Variants in NEGR1 observed in about 807,000 individuals in gnomAD.
NEGR1 encodes IgLON family member 4.
NEGR1 carries 10 observed loss-of-function variants against 40.9 expected under a neutral mutation model. That is an observed-to-expected ratio of 0.24 (90% CI 0.15 to 0.42). The LOEUF (loss-of-function observed/expected upper bound fraction) is 0.42. Among genes scored for constraint, NEGR1 ranks in the 10% least tolerant of loss-of-function variants. NEGR1 has a pLI of 1.00. For missense variants in NEGR1, 352 were observed against 438.9 expected, an observed-to-expected ratio of 0.80 and a Z score of 1.77; for synonymous variants, 185 against 166.8, an observed-to-expected ratio of 1.11 and a Z score of -0.84.
rs60790381 is a variant in NEGR1, at chr1:71,524,315, AGTGTGTGT to A, written c.940+68494_940+68501del. 3.4e-3 allele frequency among the ~76,000 whole-genome samples: 476 copies of A among 140,666 alleles called. 3 individuals carry two copies. Among genetic ancestry groups the A allele is most frequent in the African/African-American group, 0.01 (391 of 38,258 alleles). 92.3% of individuals were successfully genotyped at this position (140,666 alleles called of 152,430 possible). ...TCTTGGAGTCTTCTTTTTAAATAGG[AGTGTGTGT>A]GTGTGTGTGTGTGTGTGTGTGTGTG... On this transcript the variant is annotated intron_variant, in intron 6 of 6. Coordinates refer to ENST00000357731, the MANE Select transcript of NEGR1 (RefSeq NM_173808.3).
chr1:72,162,870 A>C (rs1570062999), intron 1 of NEGR1, among the ~76,000 whole-genome samples: 1 of 152,118 alleles, frequency 6.6e-6, no homozygotes, highest in Admixed American at 6.6e-5. Context: ...TCTCTATAAT[A>C]AGCAATGTTC....
At position 71,738,243 on chromosome 1, in the gene NEGR1, G is replaced by A. The variant is rs1287900898; in HGVS notation, c.535+37929C>T. The A allele has an allele frequency of 1.4e-5, 3 of 215,656 alleles. No homozygotes were observed. The East Asian group carries it at 3.6e-4, about 26-fold the overall frequency. 13.4% of individuals were successfully genotyped at this position (215,656 alleles called of 1,614,324 possible). On this transcript the variant is annotated intron_variant, in intron 3 of 6. Coordinates refer to ENST00000357731, the MANE Select transcript of NEGR1 (RefSeq NM_173808.3). ...ACGAAGTGGAATCCGCTCTGGCCCA[G>A]CAAGTCAAGCACTTCTCAGCCCTGA... is the stretch of plus-strand genomic sequence containing the variant.
At chr1:72,013,836 A>T (rs1646682722) in intron 1 of NEGR1, among the ~76,000 whole-genome samples, 1 of 151,604 alleles carries the variant, frequency 6.6e-6, no homozygotes. Flanking sequence ...TTAAAAAAAA[A>T]AAAGTTGAAA....
intron 2 of NEGR1, among the ~76,000 whole-genome samples, chr1:71,871,093 T>A (rs1043661300): frequency 7.2e-5 from 11 of 152,194 alleles, no homozygotes; most frequent in African/African-American, 2.7e-4. Flanking sequence ...TTCTTCTCTG[T>A]CTTTGAGATT....
intron 1 of NEGR1, among the ~76,000 whole-genome samples, chr1:72,255,665 T>A (rs1655247379): frequency 6.7e-6 from 1 of 149,364 alleles, no homozygotes; most frequent in East Asian, 2.1e-4. Context: ...ATTCCCAGCC[T>A]CAGCCTCCCT....
intron 3 of NEGR1, among the ~76,000 whole-genome samples, chr1:71,733,959 T>C (rs1391456249): frequency 6.6e-6 from 1 of 152,164 alleles, no homozygotes; most frequent in Non-Finnish European, 1.5e-5. Flanking sequence ...TCAACACTAT[T>C]CAGATCCAGA....
intron 6 of NEGR1, among the ~76,000 whole-genome samples, chr1:71,571,328 T>C (rs1025417420): frequency 3.5e-4 from 53 of 152,330 alleles, no homozygotes; most frequent in Admixed American, 3.1e-3. Context: ...TTCTCATAAT[T>C]CTCTGAAGCA....
chr1:72,181,524 A>G (rs1209341622), intron 1 of NEGR1, among the ~76,000 whole-genome samples: 6 of 152,128 alleles, frequency 3.9e-5, no homozygotes. Context: ...TAAACAAGCA[A>G]ACATAGAACC....
intron 4 of NEGR1, among the ~76,000 whole-genome samples, chr1:71,669,874 T>C (rs1485827836): frequency 6.6e-6 from 1 of 152,144 alleles, no homozygotes; most frequent in African/African-American, 2.4e-5. Context: ...ATGGTCTCGA[T>C]CTGACCTCAT....
chr1:72,273,774 C>A (rs1351125916), intron 1 of NEGR1, among the ~76,000 whole-genome samples: 1 of 151,546 alleles, frequency 6.6e-6, no homozygotes, highest in Non-Finnish European at 1.5e-5. Flanking sequence ...CAATGTATAT[C>A]TCTTAAACCA....
intron 2 of NEGR1, among the ~76,000 whole-genome samples, chr1:71,779,894 T>G (rs1022420949): frequency 2.0e-5 from 3 of 151,852 alleles, no homozygotes; most frequent in African/African-American, 7.3e-5. Context: ...AACCTTAAGG[T>G]AGGACTGCAC....
intron 5 of NEGR1, among the ~76,000 whole-genome samples, chr1:71,602,478 C>G (rs1570093101): frequency 6.6e-6 from 1 of 151,298 alleles, no homozygotes; most frequent in South Asian, 2.1e-4. Context: ...GTCTCGATCT[C>G]CTGACCTCGT....
chr1:71,654,542 T>C (rs1234982059), intron 4 of NEGR1, among the ~76,000 whole-genome samples: 2 of 152,166 alleles, frequency 1.3e-5, no homozygotes, highest in East Asian at 1.9e-4. Context: ...ATAAATATGG[T>C]TGTGACTTAA....
intron 4 of NEGR1, among the ~76,000 whole-genome samples, chr1:71,615,476 G>A (rs1416918851): frequency 6.6e-6 from 1 of 152,170 alleles, no homozygotes; most frequent in Non-Finnish European, 1.5e-5. Context: ...GAATCATTTG[G>A]CAATTCGTAG....
intron 1 of NEGR1, among the ~76,000 whole-genome samples, chr1:71,988,508 C>T (rs971283578): frequency 3.1e-5 from 4 of 130,404 alleles, no homozygotes; most frequent in African/African-American, 1.2e-4. Flanking sequence ...CACTGCAGTC[C>T]GCAGTCCGTC....
At chr1:71,550,214 T>C (rs1462968237) in intron 6 of NEGR1, among the ~76,000 whole-genome samples, 1 of 151,578 alleles carries the variant, frequency 6.6e-6, no homozygotes, top group Non-Finnish European at 1.5e-5. Context: ...ACAGATTAGC[T>C]TCTCCATCTA....
At chr1:71,560,097 G>T (rs1278419607) in intron 6 of NEGR1, among the ~76,000 whole-genome samples, 1 of 151,160 alleles carries the variant, frequency 6.6e-6, no homozygotes, top group Non-Finnish European at 1.5e-5. Flanking sequence ...TGATGATGAT[G>T]ATGATGATGA....
At chr1:71,522,724 C>T (rs572188139) in intron 6 of NEGR1, among the ~76,000 whole-genome samples, 1 of 101,036 alleles carries the variant, frequency 9.9e-6, no homozygotes, top group Non-Finnish European at 2.2e-5. Context: ...CCCTCTACCC[C>T]CCCCTTACAC....
At chr1:72,094,689 C>A (rs1648631164) in intron 1 of NEGR1, among the ~76,000 whole-genome samples, 1 of 152,150 alleles carries the variant, frequency 6.6e-6, no homozygotes. Context: ...CTGCTTGGAG[C>A]ACACTTTTGT....
Sources: gnomAD v4.1 joint callset for allele counts (sites outside exome capture counted in the v4.1 genomes callset) on GRCh38, gnomAD v4.1.1 for gene constraint, MANE v1.5 for transcripts, NCBI Gene and HGNC (gene_info 2026-07-23, HGNC 2026-07-21) for gene names.